The following USP15 variants were observed in gnomAD, a reference collection of about 807,000 sequenced individuals.
USP15 encodes the protein ubiquitin carboxyl-terminal hydrolase 15.
A neutral mutation model predicts 127.1 loss-of-function variants in USP15; 18 were observed. That is an observed-to-expected ratio of 0.14 (90% CI 0.10 to 0.21). USP15 has a LOEUF of 0.21. Ranked by LOEUF, USP15 falls within the 10% of genes least tolerant of loss-of-function variation. The pLI is 1.00. For missense variants in USP15, 805 were observed against 1,159.9 expected (o/e 0.69, Z 4.44); for synonymous variants, 364 against 393.7 (o/e 0.92, Z 0.89).
intron 6 of USP15, 127 bp downstream of exon 6, chr12:62,326,060 G>C: frequency 1.3e-6 from 1 of 758,542 alleles, no homozygotes; most frequent in Non-Finnish European, 2.0e-6. Flanking sequence ...TTATATTTGA[G>C]TATTTTGTTC....
chr12:62,393,365 T>C (rs1237104353), intron 19 of USP15, among the ~76,000 whole-genome samples, 163 bp downstream of exon 19: 1 of 152,212 alleles, frequency 6.6e-6, no homozygotes. Context: ...GATCAGTGTT[T>C]CAAAATTTTT....
At chr12:62,323,822 G>A (rs546513328) in intron 5 of USP15, among the ~76,000 whole-genome samples, 4 of 152,202 alleles carry the variant, frequency 2.6e-5, no homozygotes, top group Admixed American at 2.6e-4. Context: ...ATAATTTGAT[G>A]TTCTTGATAG....
chr12:62,335,154 T>C, intron 6 of USP15: 1 of 1,535,564 alleles, frequency 6.5e-7, no homozygotes, highest in Admixed American at 2.0e-5. Context: ...CTTTTTTTTC[T>C]CCTTTTTCTA....
At chr12:62,279,591 A>G (rs905358310) in intron 1 of USP15, among the ~76,000 whole-genome samples, 2 of 152,126 alleles carry the variant, frequency 1.3e-5, no homozygotes, top group African/African-American at 4.8e-5. Flanking sequence ...TATATAGTCT[A>G]CAAGAGTTCC....
At chr12:62,312,286 G>A in intron 3 of USP15, 1 of 342,830 alleles carries the variant, frequency 2.9e-6, no homozygotes, top group South Asian at 2.2e-5. Flanking sequence ...CCCATTTCAG[G>A]GAGGGAGCAT....
At chr12:62,363,514 G>A (rs1385415157) in intron 8 of USP15, among the ~76,000 whole-genome samples, 1 of 152,022 alleles carries the variant, frequency 6.6e-6, no homozygotes, top group Admixed American at 6.6e-5. Flanking sequence ...ACTTCCATTA[G>A]GTCGCTATTA....
rs376218421 is a variant in USP15, at chr12:62,337,344, G to T, written c.683+11411G>T. 4.6e-4 allele frequency among the ~76,000 whole-genome samples: 70 copies of T among 152,266 alleles called. No individual in the cohort carries two copies. In the South Asian group the frequency reaches 7.0e-3, roughly 15 times the overall value. On this transcript the variant is annotated intron_variant, in intron 6 of 21. Coordinates refer to ENST00000280377, the MANE Select transcript of USP15 (RefSeq NM_001252078.2). ...ATTTACAAAAGAAAGAGGTTTATTG[G>T]ATTTACAGTTCCACATGGCTAGCGA...
rs1278840562 is a variant in USP15 at position 62,301,918 on chromosome 12, T to C, written c.218-872T>C. 2.0e-5 allele frequency among the ~76,000 whole-genome samples: 3 copies of C among 152,232 alleles called. No individual in the cohort carries two copies. In the East Asian group the frequency reaches 5.8e-4, roughly 29 times the overall value. ...TCAGTGAGATATTTCTGTTCCTCTT[T>C]CTGCATTTTAAAAATTCACATGGAC... On this transcript the variant is annotated intron_variant, in intron 2 of 21. Transcript: ENST00000280377.
chr12:62,364,711 A>G (rs999936479), intron 8 of USP15, among the ~76,000 whole-genome samples: 6 of 151,746 alleles, frequency 4.0e-5, no homozygotes, highest in African/African-American at 1.5e-4. Flanking sequence ...TCCCTTCTCT[A>G]GCCCCCCAAC....
intron 19 of USP15, among the ~76,000 whole-genome samples, chr12:62,395,803 A>G (rs2067472253): frequency 6.6e-6 from 1 of 151,602 alleles, no homozygotes; most frequent in African/African-American, 2.4e-5. Context: ...AGTTCCATCC[A>G]TGTTGTTGGA....
intron 20 of USP15, among the ~76,000 whole-genome samples, chr12:62,396,853 A>C (rs999486447): frequency 2.0e-5 from 3 of 152,128 alleles, no homozygotes; most frequent in African/African-American, 7.2e-5. Flanking sequence ...GCCATATTTT[A>C]TCTCTCCACT....
intron 8 of USP15, among the ~76,000 whole-genome samples, chr12:62,360,007 A>T (rs1565885354): frequency 1.3e-5 from 2 of 152,132 alleles, no homozygotes; most frequent in Non-Finnish European, 2.9e-5. Flanking sequence ...GATAATTTTA[A>T]TTAGCATTAG....
chr12:62,298,299 C>T (rs988155054), intron 2 of USP15, among the ~76,000 whole-genome samples: 8 of 151,736 alleles, frequency 5.3e-5, no homozygotes, highest in East Asian at 1.9e-4. Context: ...CCAAAGTGGA[C>T]GGATCACATG....
At position 62,405,485 on chromosome 12, in the gene USP15, C is replaced by T. The variant is rs763838581; in HGVS notation, c.*1110C>T. 1 of 152,514 alleles carries T rather than the reference C, an allele frequency of 6.6e-6. No homozygotes were observed. The highest frequency in any genetic ancestry group is 1.5e-5 in the Non-Finnish European group (1 of 67,974). 9.4% of individuals were successfully genotyped at this position (152,514 alleles called of 1,614,324 possible). Reference sequence around the variant, plus strand: ...GCATGTTCCAGAGTCAGAACCTGTACAGTATATAAAGCATAAACACCTTGA... The same window carrying T: ...GCATGTTCCAGAGTCAGAACCTGTATAGTATATAAAGCATAAACACCTTGA... On this transcript the variant is annotated 3_prime_UTR_variant, in exon 22 of 22. Coordinates refer to ENST00000280377, the MANE Select transcript of USP15 (RefSeq NM_001252078.2).
At chr12:62,354,840 G>A (rs2066069570) in intron 7 of USP15, among the ~76,000 whole-genome samples, 1 of 151,922 alleles carries the variant, frequency 6.6e-6, no homozygotes, top group Non-Finnish European at 1.5e-5. Context: ...GGAATCTTCA[G>A]TGCATCATAA....
At chr12:62,299,449 G>C (rs567342125) in intron 2 of USP15, among the ~76,000 whole-genome samples, 8 of 152,198 alleles carry the variant, frequency 5.3e-5, no homozygotes, top group Admixed American at 2.6e-4. Context: ...TTTTATTTAG[G>C]ACAGCACAAT....
chr12:62,278,011 C>G (rs1012288478), intron 1 of USP15, among the ~76,000 whole-genome samples: 1 of 152,166 alleles, frequency 6.6e-6, no homozygotes, highest in African/African-American at 2.4e-5. Context: ...GTTTAAAACA[C>G]CAATACATTA....
At position 62,405,675 on chromosome 12, in the gene USP15, C is replaced by T. The variant is rs1238635320; in HGVS notation, c.*1300C>T. 3.3e-5 allele frequency: 5 copies of T among 152,536 alleles called. No individual in the cohort carries two copies. Among genetic ancestry groups the T allele is most frequent in the Admixed American group, 3.3e-4 (5 of 15,256 alleles). The allele number at this position is 152,536 out of a possible 1,614,324, so 9.4% of individuals were successfully genotyped here. A position where few individuals can be genotyped will look rare whatever the true frequency, so the allele number is the denominator to read the frequency against. ...AATAGAAAACCTAAATGCTGGGGCA[C>T]ATTTCACATATCGACTACCTGAGAA... On this transcript the variant is annotated 3_prime_UTR_variant, in exon 22 of 22. Coordinates refer to ENST00000280377, the MANE Select transcript of USP15 (RefSeq NM_001252078.2).
Position 62,384,297 on chromosome 12 carries a change from A to G in USP15, c.1468A>G (p.Met490Val), listed in dbSNP as rs1431905356. ...LVRMDPLTKP[M>V]QYKVVVPKIG... ...TAGAATGGATCCACTTACCAAACCT[A>G]TGCAGGTAAATCATGGGTTGGTTTG... The change falls in exon 11 of 22, where the codon ATG (methionine) becomes GTG (valine). Residue 490 changes from methionine to valine, a missense_variant. Transcript: ENST00000280377. 9 of 1,585,694 alleles carry G rather than the reference A, an allele frequency of 5.7e-6. No homozygotes were observed. The highest frequency in any genetic ancestry group is 1.7e-5 in the Admixed American group (1 of 57,418).
Sources: gnomAD v4.1 joint callset for allele counts (sites outside exome capture counted in the v4.1 genomes callset) on GRCh38, gnomAD v4.1.1 for gene constraint, MANE v1.5 for transcripts, NCBI Gene and HGNC (gene_info 2026-07-23, HGNC 2026-07-21) for gene names.